UNC79: variants seen among roughly 807,000 people sequenced by gnomAD.
UNC79 encodes the protein protein unc-79 homolog.
UNC79 carries 37 observed loss-of-function variants against 283.1 expected under a neutral mutation model. The observed-to-expected ratio is 0.13, with a 90% CI of 0.10 to 0.17. UNC79 has a LOEUF of 0.17. Ranked by LOEUF, UNC79 falls within the 10% of genes least tolerant of loss-of-function variation. The probability of loss-of-function intolerance (pLI) is 1.00; values close to 1 mark genes in which losing one functional copy is unlikely to be tolerated. For synonymous variants in UNC79, 1,107 were observed against 1,200.2 expected (o/e 0.92, Z 1.61); for missense variants, 2,272 against 3,211.1 (o/e 0.71, Z 7.07).
chr14:93,626,098 A>T (rs1012225930), intron 30 of UNC79, among the ~76,000 whole-genome samples: 3 of 152,212 alleles, frequency 2.0e-5, no homozygotes, highest in African/African-American at 7.2e-5. Context: ...TTTTAAATTA[A>T]TGGCCATGAA....
intron 1 of UNC79, among the ~76,000 whole-genome samples, chr14:93,357,539 G>T (rs2054110807): frequency 6.6e-6 from 1 of 151,332 alleles, no homozygotes. Context: ...CTCCCATACT[G>T]GATGCTCCTG....
chr14:93,355,090 C>T (rs1166497636), intron 1 of UNC79, among the ~76,000 whole-genome samples: 6 of 150,858 alleles, frequency 4.0e-5, no homozygotes, highest in African/African-American at 1.2e-4. Flanking sequence ...AGTGCAATGA[C>T]GTCATCTTGA....
At chr14:93,676,870 T>G (rs1162927253) in intron 41 of UNC79, among the ~76,000 whole-genome samples, 2 of 152,128 alleles carry the variant, frequency 1.3e-5, no homozygotes, top group Non-Finnish European at 2.9e-5. Context: ...GTTTTATGGG[T>G]TTTCATCTAC....
intron 13 of UNC79, among the ~76,000 whole-genome samples, chr14:93,541,563 A>G (rs1446657478): frequency 1.3e-5 from 2 of 152,216 alleles, no homozygotes; most frequent in Non-Finnish European, 2.9e-5. Flanking sequence ...CTTGCTTCCT[A>G]GAAGTTAGTA....
Position 93,565,716 on chromosome 14 carries a change from A to G in UNC79, c.1756-6178A>G, listed in dbSNP as rs368338614. Among the ~76,000 whole-genome samples the G allele has an allele frequency of 3.9e-5, 6 of 152,338 alleles. No homozygotes were observed. In the East Asian group the frequency reaches 1.2e-3, roughly 29 times the overall value. On this transcript the variant is annotated intron_variant, in intron 14 of 48. Transcript: ENST00000555664. ...CTTCACACTGAAACAGACAGACGAC[A>G]GGGAAGTCCACAGGCTTCCCTTCCC...
intron 1 of UNC79, among the ~76,000 whole-genome samples, chr14:93,419,614 G>A (rs889407489): frequency 1.3e-5 from 2 of 151,714 alleles, no homozygotes. Flanking sequence ...AGTTTTATTG[G>A]TTTTCTTTTT....
chr14:93,648,994 T>G (rs2069942581), intron 35 of UNC79, among the ~76,000 whole-genome samples: 1 of 152,188 alleles, frequency 6.6e-6, no homozygotes, highest in South Asian at 2.1e-4. Context: ...GTAGAAAGGC[T>G]ACTTTGACTG....
At chr14:93,452,581 G>T (rs2056678546) in intron 1 of UNC79, among the ~76,000 whole-genome samples, 1 of 151,962 alleles carries the variant, frequency 6.6e-6, no homozygotes, top group Admixed American at 6.6e-5. Context: ...TAGAGACAGG[G>T]TTTCGCCATG....
intron 40 of UNC79, among the ~76,000 whole-genome samples, chr14:93,667,039 G>C (rs2072278344): frequency 6.6e-6 from 1 of 152,004 alleles, no homozygotes; most frequent in African/African-American, 2.4e-5. Flanking sequence ...AGGAGTTTGA[G>C]GCTGCCACAA....
At chr14:93,336,441 A>C (rs929730008) in intron 1 of UNC79, among the ~76,000 whole-genome samples, 1 of 152,068 alleles carries the variant, frequency 6.6e-6, no homozygotes, top group Non-Finnish European at 1.5e-5. Context: ...TCCTGGGTTC[A>C]AGTGATTCTC....
chr14:93,694,265 G>A (rs960888), intron 46 of UNC79, 70 bp from the exon 50 acceptor site: 898,071 of 1,437,612 alleles, frequency 0.62, 283,865 homozygotes, highest in Middle Eastern at 0.65. Context: ...GGTCTTCTGC[G>A]GCTGCAAACT....
intron 30 of UNC79, among the ~76,000 whole-genome samples, chr14:93,624,160 A>C (rs985601940): frequency 6.6e-6 from 1 of 152,090 alleles, no homozygotes; most frequent in Non-Finnish European, 1.5e-5. Context: ...AAGGGAATGC[A>C]CTCGGCTTTT....
intron 14 of UNC79, among the ~76,000 whole-genome samples, chr14:93,559,151 G>A (rs2062388185): frequency 6.6e-6 from 1 of 152,212 alleles, no homozygotes; most frequent in Non-Finnish European, 1.5e-5. Context: ...TGCTGTGCTG[G>A]AGTATAAAGA....
intron 45 of UNC79, 44 bp from the exon 49 acceptor site, chr14:93,691,705 C>A: frequency 6.2e-7 from 1 of 1,606,712 alleles, no homozygotes; most frequent in Non-Finnish European, 8.5e-7. Flanking sequence ...AGGGCCACAG[C>A]CTGCTGGGAT....
chr14:93,570,560 G>A (rs111892824), intron 14 of UNC79, among the ~76,000 whole-genome samples: 2 of 152,228 alleles, frequency 1.3e-5, no homozygotes, highest in Non-Finnish European at 2.9e-5. Flanking sequence ...CAGGAGGAAG[G>A]TGGTGAAGGG....
chr14:93,462,848 C>G (rs2057008987), intron 1 of UNC79, among the ~76,000 whole-genome samples: 1 of 152,082 alleles, frequency 6.6e-6, no homozygotes, highest in South Asian at 2.1e-4. Flanking sequence ...GAGTCAATGT[C>G]AGACATGTTT....
intron 30 of UNC79, among the ~76,000 whole-genome samples, chr14:93,626,053 A>C (rs1388354679): frequency 1.3e-5 from 2 of 152,236 alleles, no homozygotes; most frequent in East Asian, 3.8e-4. Context: ...ATTTAAAAAA[A>C]GAAAAACAAA....
chr14:93,422,409 T>C (rs1256610163), intron 1 of UNC79, among the ~76,000 whole-genome samples: 1 of 152,158 alleles, frequency 6.6e-6, no homozygotes, highest in Admixed American at 6.5e-5. Context: ...AGATAATAGA[T>C]TATAAGTGTT....
intron 1 of UNC79, among the ~76,000 whole-genome samples, chr14:93,461,498 T>G (rs1467300447): frequency 6.6e-6 from 1 of 152,194 alleles, no homozygotes; most frequent in Non-Finnish European, 1.5e-5. Context: ...AGACCTCTTT[T>G]GTTTTTTTTT....
Sources: gnomAD v4.1 joint callset for allele counts (sites outside exome capture counted in the v4.1 genomes callset) on GRCh38, gnomAD v4.1.1 for gene constraint, MANE v1.5 for transcripts, NCBI Gene and HGNC (gene_info 2026-07-23, HGNC 2026-07-21) for gene names.